PHLPP1: variants seen among roughly 807,000 people sequenced by gnomAD.
PHLPP1 encodes PH domain and leucine rich repeat protein phosphatase 1, also known as PH domain leucine-rich repeat-containing protein phosphatase 1.
PHLPP1 carries 42 observed loss-of-function variants against 117.2 expected under a neutral mutation model. The observed-to-expected ratio is 0.36, with a 90% CI of 0.28 to 0.46. The LOEUF (loss-of-function observed/expected upper bound fraction) is 0.46, where lower values mean the gene tolerates loss of function less well. Ranked by LOEUF, PHLPP1 falls within the 20% of genes least tolerant of loss-of-function variation. PHLPP1 has a pLI of 1.00. For missense variants in PHLPP1, 2,084 were observed against 2,241.9 expected, an observed-to-expected ratio of 0.93 and a Z score of 1.42; for synonymous variants, 1,042 against 970.7, an observed-to-expected ratio of 1.07 and a Z score of -1.37.
At chr18:62,760,986 A>G (rs1912206325) in intron 1 of PHLPP1, among the ~76,000 whole-genome samples, 2 of 152,068 alleles carry the variant, frequency 1.3e-5, no homozygotes, top group African/African-American at 4.8e-5. Context: ...CAGCCTCCCA[A>G]GTAGCTGGGA....
rs147866082 is a variant in PHLPP1, at chr18:62,805,803, C to T, written c.1577-24232C>T. Among the ~76,000 whole-genome samples, 164 of 151,394 alleles carry T rather than the reference C, an allele frequency of 1.1e-3. 2 individuals carry two copies. Among genetic ancestry groups the T allele is most frequent in the African/African-American group, 3.8e-3 (156 of 41,282 alleles). ...TATGTTAAGGTCATGAAGATATTCT[C>T]CTGTGTTAATATCTAGGTATGGTGT... On this transcript the variant is annotated intron_variant, in intron 1 of 16. Coordinates refer to ENST00000262719, the MANE Select transcript of PHLPP1 (RefSeq NM_194449.4).
intron 14 of PHLPP1, among the ~76,000 whole-genome samples, chr18:62,971,422 A>T (rs769598741): frequency 1.4e-5 from 2 of 148,078 alleles, no homozygotes; most frequent in Admixed American, 6.8e-5. Flanking sequence ...AGTTTCTGGG[A>T]CACAGTTGCT....
At chr18:62,830,884 G>A (rs1044147476) in intron 2 of PHLPP1, among the ~76,000 whole-genome samples, 4 of 152,082 alleles carry the variant, frequency 2.6e-5, no homozygotes, top group African/African-American at 9.7e-5. Flanking sequence ...TTAATTTCGT[G>A]AATTTAGAAA....
chr18:62,963,458 G>T lies in PHLPP1; in HGVS notation c.3546G>T (p.Ser1182=). ...GGAGTCATGGTTACACTGAAGCTTC[G>T]GGGGTAAAAAACAAGTAAGTCAGAT... The part of the protein sequence containing the change: ...AVWSHGYTEA[S]GVKNKLCVAA... The change falls in exon 14 of 17, where the codon TCG becomes TCT. Residue 1182 remains serine (S), a synonymous_variant. Coordinates refer to ENST00000262719, the MANE Select transcript of PHLPP1 (RefSeq NM_194449.4). 6.2e-7 allele frequency: 1 copy of T among 1,610,082 alleles called. No homozygotes were observed. The highest frequency in any genetic ancestry group is 2.2e-5 in the East Asian group (1 of 44,842).
intron 1 of PHLPP1, chr18:62,731,206 AT>A (rs1332310150): frequency 6.6e-6 from 1 of 151,504 alleles, no homozygotes; most frequent in East Asian, 1.9e-4. Context: ...AAAACTTTTC[AT>A]TGTTTATAAT....
chr18:62,756,850 C>T (rs912779833), intron 1 of PHLPP1, among the ~76,000 whole-genome samples: 6 of 152,302 alleles, frequency 3.9e-5, no homozygotes, highest in African/African-American at 1.4e-4. Flanking sequence ...TCCTGAAGCA[C>T]ATGGCTATTT....
intron 1 of PHLPP1, among the ~76,000 whole-genome samples, chr18:62,813,285 A>G (rs1281780661): frequency 1.3e-5 from 2 of 152,216 alleles, no homozygotes; most frequent in African/African-American, 2.4e-5. Context: ...CATCCCAAAC[A>G]TACACATCCC....
intron 1 of PHLPP1, among the ~76,000 whole-genome samples, chr18:62,744,492 C>G (rs1239718453): frequency 6.6e-6 from 1 of 152,244 alleles, no homozygotes; most frequent in Non-Finnish European, 1.5e-5. Context: ...ATACCTCTGT[C>G]TTAAGCCTGA....
intron 12 of PHLPP1, among the ~76,000 whole-genome samples, chr18:62,949,391 G>T (rs1368987889): frequency 6.6e-6 from 1 of 152,178 alleles, no homozygotes; most frequent in African/African-American, 2.4e-5. Flanking sequence ...AATTATTCAT[G>T]TACACCTTAA....
chr18:62,813,547 A>G (rs908513477), intron 1 of PHLPP1, among the ~76,000 whole-genome samples: 7 of 152,184 alleles, frequency 4.6e-5, no homozygotes, highest in Admixed American at 2.0e-4. Context: ...TCTTTGGTCT[A>G]GGTATAATCA....
At chr18:62,747,296 T>C (rs1212325745) in intron 1 of PHLPP1, among the ~76,000 whole-genome samples, 2 of 150,604 alleles carry the variant, frequency 1.3e-5, no homozygotes, top group East Asian at 1.9e-4. Context: ...TTTTTTTTTT[T>C]TCTGTGGAAA....
At chr18:62,860,918 G>A (rs1487765580) in intron 4 of PHLPP1, among the ~76,000 whole-genome samples, 2 of 152,126 alleles carry the variant, frequency 1.3e-5, no homozygotes, top group Non-Finnish European at 2.9e-5. Context: ...CATTTGGTGT[G>A]TTACTTCTGA....
intron 6 of PHLPP1, among the ~76,000 whole-genome samples, chr18:62,902,499 C>G (rs961570685): frequency 6.6e-6 from 1 of 152,192 alleles, no homozygotes; most frequent in Non-Finnish European, 1.5e-5. Context: ...TGCTACTCAT[C>G]CGCCTGTTCA....
rs1463653369 is a variant in PHLPP1, at chr18:62,884,042, T to C, written c.2067-10969T>C. Among the ~76,000 whole-genome samples, 5 of 152,214 alleles carry C rather than the reference T, an allele frequency of 3.3e-5. No individual in the cohort carries two copies. The East Asian group carries it at 9.6e-4, about 29-fold the overall frequency. ...TGCAGAATTGTAACAGCAGAAAAACTGAGAGTACTCCTAATGTCAATCAGC... is the reference window on the plus strand; with the variant it reads ...TGCAGAATTGTAACAGCAGAAAAACCGAGAGTACTCCTAATGTCAATCAGC... On this transcript the variant is annotated intron_variant, in intron 4 of 16. Coordinates refer to ENST00000262719, the MANE Select transcript of PHLPP1 (RefSeq NM_194449.4).
At chr18:62,752,590 G>T (rs1911893559) in intron 1 of PHLPP1, among the ~76,000 whole-genome samples, 1 of 150,698 alleles carries the variant, frequency 6.6e-6, no homozygotes. Context: ...AGTGTAGATG[G>T]ATTCTTGAGA....
intron 12 of PHLPP1, among the ~76,000 whole-genome samples, chr18:62,955,207 T>C (rs1910577906): frequency 1.3e-5 from 2 of 152,186 alleles, no homozygotes; most frequent in South Asian, 2.1e-4. Flanking sequence ...GATGAAAGCA[T>C]GTCACATGCA....
At chr18:62,879,305 C>A (rs1043589615) in intron 4 of PHLPP1, among the ~76,000 whole-genome samples, 3 of 152,164 alleles carry the variant, frequency 2.0e-5, no homozygotes, top group African/African-American at 7.2e-5. Context: ...AGCAAGAAGG[C>A]CCTCAACAGA....
chr18:62,892,334 C>T (rs866009097), intron 4 of PHLPP1, among the ~76,000 whole-genome samples: 8 of 151,868 alleles, frequency 5.3e-5, no homozygotes, highest in South Asian at 4.2e-4. Flanking sequence ...GGTGATCCAC[C>T]GGCCTCAGCC....
chr18:62,945,061 C>T (rs375029057), intron 11 of PHLPP1, 48 bp from the exon 12 acceptor site: 5 of 1,325,720 alleles, frequency 3.8e-6, no homozygotes, highest in East Asian at 2.7e-5. Context: ...CTTTGATTCT[C>T]GTCCTATATT....
Sources: allele counts gnomAD v4.1 joint callset (sites outside exome capture counted in the v4.1 genomes callset), GRCh38; gene constraint gnomAD v4.1.1; transcripts MANE v1.5; gene names NCBI Gene and HGNC (gene_info 2026-07-23, HGNC 2026-07-21).